DLG2: variants seen among roughly 807,000 people sequenced by gnomAD.
The protein encoded by DLG2 is discs large MAGUK scaffold protein 2, also known as disks large homolog 2.
In DLG2, 45 loss-of-function variants were observed where a neutral mutation model predicts 132.5. The observed-to-expected ratio is 0.34, with a 90% CI of 0.27 to 0.44. The LOEUF is 0.44. Ranked by LOEUF, DLG2 falls within the 20% of genes least tolerant of loss-of-function variation. DLG2 has a pLI of 1.00. For synonymous variants in DLG2, 424 were observed against 419.6 expected, an observed-to-expected ratio of 1.01 and a Z score of -0.13; for missense variants, 1,045 against 1,196.9, an observed-to-expected ratio of 0.87 and a Z score of 1.87.
intron 9 of DLG2, among the ~76,000 whole-genome samples, chr11:84,123,521 A>G (rs756823870): frequency 6.6e-6 from 1 of 152,212 alleles, no homozygotes; most frequent in Non-Finnish European, 1.5e-5. Context: ...CTTTAAATGT[A>G]GTCCTTTCAC....
chr11:84,908,841 C>T (rs1459964821), intron 6 of DLG2, among the ~76,000 whole-genome samples: 17 of 149,424 alleles, frequency 1.1e-4, no homozygotes, highest in Admixed American at 5.9e-4. Flanking sequence ...CACTTATATG[C>T]TTTCAACATA....
At chr11:84,334,152 T>C (rs1567322212) in intron 7 of DLG2, among the ~76,000 whole-genome samples, 1 of 152,176 alleles carries the variant, frequency 6.6e-6, no homozygotes, top group Admixed American at 6.5e-5. Flanking sequence ...TCAAAAACCT[T>C]CTTTTATAAG....
chr11:85,368,606 C>A (rs572397330), intron 3 of DLG2, among the ~76,000 whole-genome samples: 16 of 152,364 alleles, frequency 1.1e-4, no homozygotes, highest in Admixed American at 1.0e-3. Context: ...ACGAGGTGTA[C>A]TACCCAGATC....
At chr11:84,314,734 A>G (rs2098337271) in intron 7 of DLG2, among the ~76,000 whole-genome samples, 4 of 151,878 alleles carry the variant, frequency 2.6e-5, no homozygotes, top group African/African-American at 9.7e-5. Flanking sequence ...ACTTAAATAT[A>G]CATAAAATAT....
chr11:85,440,018 C>G (rs2091698207), intron 3 of DLG2, among the ~76,000 whole-genome samples: 1 of 152,184 alleles, frequency 6.6e-6, no homozygotes, highest in African/African-American at 2.4e-5. Flanking sequence ...CCACCTCTAT[C>G]TCTTACTATA....
intron 4 of DLG2, among the ~76,000 whole-genome samples, chr11:85,264,170 G>C (rs937521786): frequency 6.6e-6 from 1 of 152,078 alleles, no homozygotes; most frequent in African/African-American, 2.4e-5. Flanking sequence ...TATCTTATTA[G>C]GACTCCACAG....
intron 22 of DLG2, among the ~76,000 whole-genome samples, chr11:83,477,714 C>A (rs1264298317): frequency 6.6e-6 from 1 of 151,126 alleles, no homozygotes; most frequent in Non-Finnish European, 1.5e-5. Flanking sequence ...CAGTGAAATA[C>A]AACACCTGGA....
At chr11:85,396,618 C>T (rs1054702575) in intron 3 of DLG2, among the ~76,000 whole-genome samples, 7 of 152,244 alleles carry the variant, frequency 4.6e-5, no homozygotes, top group Non-Finnish European at 8.8e-5. Flanking sequence ...AGCACGAGCA[C>T]TTCGCGATGC....
chr11:83,699,471 C>T lies in DLG2; in HGVS notation c.1826-66146G>A, dbSNP rs367694487. ...CAGCACTTTGGGAGGCTGAGGCAGG[C>T]GGATCACGAGGTCAGGAGATCGAGA... is the stretch of plus-strand genomic sequence containing the variant. On this transcript the variant is annotated intron_variant, in intron 18 of 27. Transcript: ENST00000376104. 3.3e-5 allele frequency among the ~76,000 whole-genome samples: 5 copies of T among 150,290 alleles called. No homozygotes were observed. In the South Asian group the frequency reaches 6.4e-4, roughly 19 times the overall value.
At chr11:84,749,511 C>T (rs142197305) in intron 6 of DLG2, among the ~76,000 whole-genome samples, 225 of 152,182 alleles carry the variant, frequency 1.5e-3, no homozygotes, top group South Asian at 4.6e-3. Flanking sequence ...CAACTGCCTA[C>T]CATATGCAGT....
intron 9 of DLG2, among the ~76,000 whole-genome samples, chr11:84,133,534 G>A (rs1291050046): frequency 2.6e-5 from 4 of 152,036 alleles, no homozygotes; most frequent in Non-Finnish European, 5.9e-5. Context: ...AAAGTTGGTA[G>A]CTAAACTGGA....
intron 18 of DLG2, among the ~76,000 whole-genome samples, chr11:83,690,197 C>A (rs1044183416): frequency 6.6e-6 from 1 of 150,552 alleles, no homozygotes; most frequent in South Asian, 2.1e-4. Flanking sequence ...CACTGGGGTG[C>A]GTATAATCAC....
intron 11 of DLG2, among the ~76,000 whole-genome samples, chr11:84,038,510 G>T (rs939455176): frequency 1.3e-5 from 2 of 151,872 alleles, no homozygotes; most frequent in Non-Finnish European, 2.9e-5. Context: ...AAAAGTATTT[G>T]CTTATTAAAA....
intron 3 of DLG2, among the ~76,000 whole-genome samples, chr11:85,296,252 A>T (rs994038166): frequency 3.3e-5 from 5 of 152,130 alleles, no homozygotes; most frequent in African/African-American, 1.2e-4. Flanking sequence ...GATTTTATGC[A>T]ATTTTATAAT....
Position 84,228,051 on chromosome 11 carries a change from T to C in DLG2, c.573+23187A>G, listed in dbSNP as rs1232860300. Among the ~76,000 whole-genome samples the C allele has an allele frequency of 2.6e-5, 4 of 152,190 alleles. No homozygotes were observed. In the East Asian group the frequency reaches 7.7e-4, roughly 29 times the overall value. On this transcript the variant is annotated intron_variant, in intron 8 of 27. Coordinates refer to ENST00000376104, the MANE Select transcript of DLG2 (RefSeq NM_001142699.3). ...CTGGTGTTAGATATATTTAAATCAGTATCACAAACTATTTCATGATTGGTT... is the reference window on the plus strand; with the variant it reads ...CTGGTGTTAGATATATTTAAATCAGCATCACAAACTATTTCATGATTGGTT...
chr11:83,526,709 G>T (rs1207765106), intron 21 of DLG2, among the ~76,000 whole-genome samples: 5 of 152,242 alleles, frequency 3.3e-5, no homozygotes, highest in Middle Eastern at 3.4e-3. Context: ...TTCCAGTTCT[G>T]ATTCTTTTCA....
At chr11:83,692,326 T>A (rs1204622092) in intron 18 of DLG2, among the ~76,000 whole-genome samples, 1 of 152,236 alleles carries the variant, frequency 6.6e-6, no homozygotes, top group Non-Finnish European at 1.5e-5. Flanking sequence ...TGATTCTCTG[T>A]AAATTTATCT....
chr11:83,464,120 T>C (rs1307419504), intron 26 of DLG2, among the ~76,000 whole-genome samples: 2 of 152,174 alleles, frequency 1.3e-5, no homozygotes, highest in Non-Finnish European at 2.9e-5. Flanking sequence ...CAGAGCATCA[T>C]GGGAGCAGGA....
At chr11:84,268,595 G>A (rs865944563) in intron 7 of DLG2, among the ~76,000 whole-genome samples, 1 of 151,668 alleles carries the variant, frequency 6.6e-6, no homozygotes, top group African/African-American at 2.4e-5. Context: ...CCGAGTAGCT[G>A]GGACTACAGG....
Sources: allele counts gnomAD v4.1 joint callset (sites outside exome capture counted in the v4.1 genomes callset), GRCh38; gene constraint gnomAD v4.1.1; transcripts MANE v1.5; gene names NCBI Gene and HGNC (gene_info 2026-07-23, HGNC 2026-07-21).